MARCHF1: variants seen among roughly 807,000 people sequenced by gnomAD.
The protein encoded by MARCHF1 is membrane associated ring-CH-type finger 1.
Under a neutral mutation model 54.2 loss-of-function variants are expected in MARCHF1, and 40 were observed. The observed-to-expected ratio is 0.74, with a 90% CI of 0.57 to 0.96. MARCHF1 has a LOEUF of 0.96. Among genes scored for constraint, MARCHF1 ranks in the 40% least tolerant of loss-of-function variants. The pLI is 0.00. For synonymous variants in MARCHF1, 236 were observed against 236.3 expected (o/e 1.00, Z 0.01); for missense variants, 586 against 656.5 (o/e 0.89, Z 1.17).
At chr4:163,739,013 T>C (rs888347312) in intron 4 of MARCHF1, among the ~76,000 whole-genome samples, 6 of 152,180 alleles carry the variant, frequency 3.9e-5, no homozygotes, top group African/African-American at 1.4e-4. Context: ...TTTTGTCAAG[T>C]TCTCTTCAAA....
intron 2 of MARCHF1, among the ~76,000 whole-genome samples, chr4:164,098,980 C>G (rs1212743692): frequency 1.3e-5 from 2 of 152,176 alleles, no homozygotes; most frequent in African/African-American, 4.8e-5. Flanking sequence ...GAAAAGATTA[C>G]CTTTTGCAGA....
chr4:164,161,993 A>T (rs1232017789), intron 1 of MARCHF1, among the ~76,000 whole-genome samples: 1 of 152,186 alleles, frequency 6.6e-6, no homozygotes, highest in East Asian at 1.9e-4. Context: ...GCTCCAAGGC[A>T]TATAATCTCA....
chr4:164,331,403 G>C (rs528152927), intron 1 of MARCHF1, among the ~76,000 whole-genome samples: 1 of 152,286 alleles, frequency 6.6e-6, no homozygotes, highest in African/African-American at 2.4e-5. Context: ...AGAATATTTT[G>C]AAGAGAAATA....
intron 1 of MARCHF1, among the ~76,000 whole-genome samples, chr4:164,125,218 ATATACT>A (rs148090097): frequency 8.5e-4 from 129 of 152,302 alleles, no homozygotes; most frequent in African/African-American, 2.9e-3. Flanking sequence ...TATTAGGTAA[ATATACT>A]TATGGAGAAA....
chr4:164,190,177 TTGAA>T, intron 1 of MARCHF1: 1 of 1,568,876 alleles, frequency 6.4e-7, no homozygotes, highest in Non-Finnish European at 8.6e-7. Context: ...GAAGAAAAGA[TTGAA>T]TGGCTGGAAA....
At chr4:164,093,853 A>G (rs1051304254) in intron 2 of MARCHF1, among the ~76,000 whole-genome samples, 3 of 151,232 alleles carry the variant, frequency 2.0e-5, no homozygotes, top group African/African-American at 7.3e-5. Flanking sequence ...CCAGTAATTA[A>G]CTCTTGAGTT....
intron 4 of MARCHF1, among the ~76,000 whole-genome samples, chr4:163,703,616 G>A (rs1298016068): frequency 6.6e-6 from 1 of 152,038 alleles, no homozygotes; most frequent in Non-Finnish European, 1.5e-5. Flanking sequence ...TGACCTTGTA[G>A]GTCAATAAAA....
intron 8 of MARCHF1, among the ~76,000 whole-genome samples, chr4:163,583,061 G>A (rs567789902): frequency 2.0e-5 from 3 of 152,304 alleles, no homozygotes; most frequent in African/African-American, 7.2e-5. Flanking sequence ...TGTTAGAAAA[G>A]AAGTTGAAGA....
chr4:163,637,552 C>T (rs1742383546), intron 5 of MARCHF1, among the ~76,000 whole-genome samples: 2 of 151,818 alleles, frequency 1.3e-5, no homozygotes, highest in South Asian at 4.2e-4. Flanking sequence ...GATACCATCT[C>T]ACACCAGTTA....
intron 4 of MARCHF1, among the ~76,000 whole-genome samples, chr4:163,834,375 T>C (rs1008147226): frequency 2.0e-4 from 31 of 152,116 alleles, no homozygotes; most frequent in African/African-American, 7.5e-4. Context: ...AGGACATACA[T>C]AATTTATTAT....
At chr4:163,883,839 C>A (rs1341999296) in intron 3 of MARCHF1, among the ~76,000 whole-genome samples, 1 of 151,874 alleles carries the variant, frequency 6.6e-6, no homozygotes, top group African/African-American at 2.4e-5. Flanking sequence ...CCTCTTTGAG[C>A]CCGTTTCTTG....
chr4:163,646,688 A>G (rs946655127), intron 5 of MARCHF1, among the ~76,000 whole-genome samples: 6 of 152,144 alleles, frequency 3.9e-5, no homozygotes, highest in Non-Finnish European at 5.9e-5. Flanking sequence ...AAATTAAGTT[A>G]TCAGCTTAAT....
At chr4:163,947,118 C>G (rs1480478080) in intron 3 of MARCHF1, among the ~76,000 whole-genome samples, 8 of 152,014 alleles carry the variant, frequency 5.3e-5, no homozygotes, top group South Asian at 2.1e-4. Flanking sequence ...AAATGAGAAG[C>G]AATATATTGG....
intron 1 of MARCHF1, among the ~76,000 whole-genome samples, chr4:164,320,197 C>T (rs116047603): frequency 6.6e-4 from 100 of 152,216 alleles, no homozygotes; most frequent in African/African-American, 2.3e-3. Flanking sequence ...TTCTATCTTC[C>T]TGGTATTAAG....
intron 4 of MARCHF1, among the ~76,000 whole-genome samples, chr4:163,704,693 A>C (rs1198200969): frequency 1.3e-5 from 2 of 151,762 alleles, no homozygotes; most frequent in Non-Finnish European, 3.0e-5. Flanking sequence ...GAAGCTATAG[A>C]ATATATAATA....
intron 5 of MARCHF1, among the ~76,000 whole-genome samples, chr4:163,617,232 T>C (rs530582181): frequency 1.3e-5 from 2 of 152,252 alleles, no homozygotes; most frequent in East Asian, 1.9e-4. Context: ...ATTGTGGTCA[T>C]TGGAGACTGG....
At chr4:163,801,275 G>GT (rs980687294) in intron 4 of MARCHF1, among the ~76,000 whole-genome samples, 86 of 151,806 alleles carry the variant, frequency 5.7e-4, no homozygotes, top group Non-Finnish European at 8.5e-4. Context: ...TAAATTTTCT[G>GT]TTTTTAGTCA....
intron 4 of MARCHF1, among the ~76,000 whole-genome samples, chr4:163,758,286 G>A (rs1746735153): frequency 6.6e-6 from 1 of 152,238 alleles, no homozygotes; most frequent in East Asian, 1.9e-4. Flanking sequence ...AAGACAGCTG[G>A]ACCGGGCTGG....
intron 2 of MARCHF1, among the ~76,000 whole-genome samples, chr4:163,993,861 G>C (rs931203976): frequency 2.0e-5 from 3 of 151,964 alleles, no homozygotes; most frequent in Non-Finnish European, 2.9e-5. Context: ...ATTAGCTTGT[G>C]AATATAATTT....
Sources: allele counts gnomAD v4.1 joint callset (sites outside exome capture counted in the v4.1 genomes callset), GRCh38; gene constraint gnomAD v4.1.1; transcripts MANE v1.5; gene names NCBI Gene and HGNC (gene_info 2026-07-23, HGNC 2026-07-21).